Variants in MCTP1 observed in about 807,000 individuals in gnomAD.
The protein encoded by MCTP1 is multiple C2 and transmembrane domain containing 1, also known as multiple C2 and transmembrane domain-containing protein 1.
MCTP1 carries 69 observed loss-of-function variants against 120.6 expected under a neutral mutation model. That is an observed-to-expected ratio of 0.57 (90% CI 0.47 to 0.70). The LOEUF (loss-of-function observed/expected upper bound fraction) is 0.70. MCTP1 is among the 30% of genes least tolerant of loss of function. The pLI, the probability that MCTP1 is intolerant of heterozygous loss-of-function variation, is 0.00. For missense variants in MCTP1, 1,203 were observed against 1,248.8 expected, an observed-to-expected ratio of 0.96 and a Z score of 0.55; for synonymous variants, 529 against 493.1, an observed-to-expected ratio of 1.07 and a Z score of -0.96.
At chr5:94,981,313 C>T (rs1369001455) in intron 2 of MCTP1, among the ~76,000 whole-genome samples, 1 of 152,176 alleles carries the variant, frequency 6.6e-6, no homozygotes, top group African/African-American at 2.4e-5. Context: ...TTCTGTTAAA[C>T]TTGCTACTTT....
chr5:95,099,416 A>T (rs1410017266), intron 1 of MCTP1, among the ~76,000 whole-genome samples: 1 of 151,884 alleles, frequency 6.6e-6, no homozygotes, highest in Non-Finnish European at 1.5e-5. Context: ...GAACTCAAAC[A>T]AATTTACAAG....
At chr5:94,961,417 T>TA (rs1234245517) in intron 2 of MCTP1, among the ~76,000 whole-genome samples, 5 of 151,064 alleles carry the variant, frequency 3.3e-5, no homozygotes, top group Non-Finnish European at 7.4e-5. Flanking sequence ...AAGTATAATT[T>TA]AAAAAAAAAG....
intron 1 of MCTP1, among the ~76,000 whole-genome samples, chr5:95,133,772 G>A (rs1006252399): frequency 6.6e-6 from 1 of 152,040 alleles, no homozygotes; most frequent in Non-Finnish European, 1.5e-5. Context: ...GTTAACCATG[G>A]GTGACTGAAA....
At chr5:95,187,902 T>C (rs1385679551) in intron 1 of MCTP1, among the ~76,000 whole-genome samples, 1 of 152,166 alleles carries the variant, frequency 6.6e-6, no homozygotes, top group Non-Finnish European at 1.5e-5. Context: ...AAAGGATAAA[T>C]GCTTGAGGGG....
chr5:94,766,815 A>C (rs767511360), intron 19 of MCTP1, among the ~76,000 whole-genome samples: 5 of 152,218 alleles, frequency 3.3e-5, no homozygotes, highest in Admixed American at 6.5e-5. Flanking sequence ...CAAACAAAGA[A>C]GACCCCAAAC....
rs575894347 is a variant in MCTP1, at chr5:95,235,808, G to A, written c.720+48048C>T. Among the ~76,000 whole-genome samples, 201 of 152,208 alleles carry A rather than the reference G, an allele frequency of 1.3e-3. 6 individuals are homozygous for A. Among genetic ancestry groups the A allele is most frequent in the Non-Finnish European group, 4.9e-4 (33 of 68,002 alleles). Reference sequence around the variant, plus strand: ...TGATGATTCTACAAAAATGCTACTAGGTCAGTGCAGCTCATGCCTTGATGT... The same window carrying A: ...TGATGATTCTACAAAAATGCTACTAAGTCAGTGCAGCTCATGCCTTGATGT... On this transcript the variant is annotated intron_variant, in intron 1 of 22. Transcript: ENST00000515393.
chr5:95,143,834 T>C (rs1053290181), intron 1 of MCTP1, among the ~76,000 whole-genome samples: 1 of 152,212 alleles, frequency 6.6e-6, no homozygotes, highest in African/African-American at 2.4e-5. Context: ...ATTCCATGTC[T>C]TTGTTTTTGT....
intron 1 of MCTP1, among the ~76,000 whole-genome samples, chr5:95,162,752 G>A (rs1239098018): frequency 6.6e-6 from 1 of 152,152 alleles, no homozygotes; most frequent in African/African-American, 2.4e-5. Context: ...GTAACAGTGA[G>A]ATTCCATGTC....
Position 95,098,392 on chromosome 5 carries a change from T to C in MCTP1, c.721-80908A>G, listed in dbSNP as rs73140056. 1.4e-3 allele frequency among the ~76,000 whole-genome samples: 213 copies of C among 152,332 alleles called. 1 individual carries two copies. The highest frequency in any genetic ancestry group is 4.6e-3 in the African/African-American group (191 of 41,568). On this transcript the variant is annotated intron_variant, in intron 1 of 22. Coordinates refer to ENST00000515393, the MANE Select transcript of MCTP1 (RefSeq NM_024717.7). ...TGTCTTTCAATTTTGTTTTAGTGTTTTCTGATATACATAAAGTATTTAATT... is the reference window on the plus strand; with the variant it reads ...TGTCTTTCAATTTTGTTTTAGTGTTCTCTGATATACATAAAGTATTTAATT...
chr5:94,893,939 A>C (rs192719407), intron 11 of MCTP1, among the ~76,000 whole-genome samples: 1 of 152,288 alleles, frequency 6.6e-6, no homozygotes, highest in Admixed American at 6.5e-5. Context: ...ATTGAGAGAG[A>C]ATGGTGGAGT....
chr5:95,254,903 T>A (rs1277665235), intron 1 of MCTP1, among the ~76,000 whole-genome samples: 1 of 152,184 alleles, frequency 6.6e-6, no homozygotes, highest in East Asian at 1.9e-4. Context: ...TTTCAAATTG[T>A]GGGATACAAC....
At chr5:94,810,874 A>G (rs756810783) in intron 17 of MCTP1, among the ~76,000 whole-genome samples, 11 of 152,142 alleles carry the variant, frequency 7.2e-5, no homozygotes, top group Non-Finnish European at 1.6e-4. Flanking sequence ...TCTGGGTTTA[A>G]TATCTTCATT....
intron 19 of MCTP1, among the ~76,000 whole-genome samples, chr5:94,718,731 T>A (rs754945229): frequency 7.9e-5 from 12 of 152,188 alleles, no homozygotes; most frequent in African/African-American, 2.4e-4. Context: ...TATTATTATT[T>A]TTTTTGACAT....
chr5:94,787,258 T>C (rs534848785), intron 18 of MCTP1, among the ~76,000 whole-genome samples: 9 of 152,384 alleles, frequency 5.9e-5, no homozygotes, highest in African/African-American at 2.2e-4. Context: ...CATATGCTTA[T>C]GGTATTTCTG....
At chr5:94,754,732 C>G (rs984788631) in intron 19 of MCTP1, among the ~76,000 whole-genome samples, 1 of 152,148 alleles carries the variant, frequency 6.6e-6, no homozygotes, top group Non-Finnish European at 1.5e-5. Flanking sequence ...ACAAACAAGA[C>G]AGACAGATGT....
intron 1 of MCTP1, among the ~76,000 whole-genome samples, chr5:95,120,622 T>C (rs1164030214): frequency 6.6e-6 from 1 of 152,196 alleles, no homozygotes; most frequent in Non-Finnish European, 1.5e-5. Flanking sequence ...AAACATTTGA[T>C]AAAATTCAAC....
chr5:94,782,779 A>G (rs1396967929), intron 18 of MCTP1, among the ~76,000 whole-genome samples: 1 of 152,194 alleles, frequency 6.6e-6, no homozygotes, highest in Non-Finnish European at 1.5e-5. Flanking sequence ...ACTTGTGGGC[A>G]ATAATTTAAT....
At chr5:95,123,732 C>T (rs1436185260) in intron 1 of MCTP1, among the ~76,000 whole-genome samples, 1 of 151,472 alleles carries the variant, frequency 6.6e-6, no homozygotes, top group African/African-American at 2.4e-5. Flanking sequence ...TCACTGCAAG[C>T]TCTGCCTCCC....
At chr5:95,274,212 C>T (rs1019011265) in intron 1 of MCTP1, among the ~76,000 whole-genome samples, 1 of 152,322 alleles carries the variant, frequency 6.6e-6, no homozygotes, top group African/African-American at 2.4e-5. Flanking sequence ...ATACACAGGA[C>T]ACTTATTTGC....
Sources: gnomAD v4.1 joint callset for allele counts (sites outside exome capture counted in the v4.1 genomes callset) on GRCh38, gnomAD v4.1.1 for gene constraint, MANE v1.5 for transcripts, NCBI Gene and HGNC (gene_info 2026-07-23, HGNC 2026-07-21) for gene names.